EIF3K: variants seen among roughly 807,000 people sequenced by gnomAD.
EIF3K encodes the protein eIF-3 p28.
EIF3K carries 27 observed loss-of-function variants against 34.2 expected under a neutral mutation model. That is an observed-to-expected ratio of 0.79 (90% confidence interval 0.58 to 1.09). The LOEUF (loss-of-function observed/expected upper bound fraction) is 1.09. Ranked by LOEUF, EIF3K falls within the 50% of genes least tolerant of loss-of-function variation. EIF3K has a pLI of 0.00. For synonymous variants in EIF3K, 105 were observed against 105.7 expected, an observed-to-expected ratio of 0.99 and a Z score of 0.04; for missense variants, 232 against 275.4, an observed-to-expected ratio of 0.84 and a Z score of 1.11.
At chr19:38,629,175 C>T (rs1976008404) in intron 4 of EIF3K, among the ~76,000 whole-genome samples, 1 of 152,158 alleles carries the variant, frequency 6.6e-6, no homozygotes, top group South Asian at 2.1e-4. Context: ...TTTACTAGTT[C>T]TACAACTGTT....
intron 2 of EIF3K, among the ~76,000 whole-genome samples, chr19:38,622,829 A>G (rs1975871419): frequency 6.6e-6 from 1 of 152,262 alleles, no homozygotes; most frequent in Non-Finnish European, 1.5e-5. Flanking sequence ...GAGAAAAAGA[A>G]TTCAGCGATA....
chr19:38,626,714 C>G (rs916282054), intron 4 of EIF3K, among the ~76,000 whole-genome samples: 5 of 152,304 alleles, frequency 3.3e-5, no homozygotes, highest in Middle Eastern at 6.8e-3. Context: ...ACCTGGCCCC[C>G]CACTTCTGCA....
chr19:38,625,591 C>A (rs915343409), intron 3 of EIF3K, among the ~76,000 whole-genome samples: 1 of 151,258 alleles, frequency 6.6e-6, no homozygotes, highest in Non-Finnish European at 1.5e-5. Context: ...CTCACTACAA[C>A]CTCCTCCTCC....
At chr19:38,633,273 C>T (rs892127984) in intron 6 of EIF3K, among the ~76,000 whole-genome samples, 5 of 152,130 alleles carry the variant, frequency 3.3e-5, no homozygotes, top group African/African-American at 9.6e-5. Context: ...TGAGAAGGAG[C>T]CACCGGAGGG....
At chr19:38,633,680 A>T (rs1257505587) in intron 6 of EIF3K, among the ~76,000 whole-genome samples, 1 of 150,382 alleles carries the variant, frequency 6.6e-6, no homozygotes, top group East Asian at 2.0e-4. Context: ...ATAAGATCGA[A>T]ACTCCATCTA....
intron 4 of EIF3K, among the ~76,000 whole-genome samples, chr19:38,626,909 T>G (rs1026291369): frequency 6.6e-6 from 1 of 152,182 alleles, no homozygotes; most frequent in African/African-American, 2.4e-5. Context: ...CGGGTTCAAG[T>G]GATTCTCCTG....
intron 4 of EIF3K, among the ~76,000 whole-genome samples, chr19:38,629,461 A>G (rs1314844234): frequency 6.6e-6 from 1 of 152,086 alleles, no homozygotes; most frequent in African/African-American, 2.4e-5. Context: ...ACGCCTGGCT[A>G]ATTTTTCTAT....
chr19:38,635,755 A>G (rs1976175906), intron 7 of EIF3K: 1 of 152,496 alleles, frequency 6.6e-6, no homozygotes, highest in Non-Finnish European at 1.5e-5. Flanking sequence ...CATCGTCTAC[A>G]CACATGTAAC....
At chr19:38,619,863 G>A (rs576784426) in intron 1 of EIF3K, among the ~76,000 whole-genome samples, 1 of 152,332 alleles carries the variant, frequency 6.6e-6, no homozygotes, top group Non-Finnish European at 1.5e-5. Flanking sequence ...CCATAAGGGA[G>A]ACAAACCTGA....
intron 1 of EIF3K, 121 bp from the exon 2 acceptor site, chr19:38,620,216 G>T: frequency 1.4e-6 from 1 of 737,148 alleles, no homozygotes; most frequent in Non-Finnish European, 2.4e-6. Flanking sequence ...AGAGCAAGTG[G>T]CCAGTGCCAG....
intron 4 of EIF3K, among the ~76,000 whole-genome samples, chr19:38,629,058 T>C (rs1019134464): frequency 1.3e-5 from 2 of 149,586 alleles, no homozygotes; most frequent in Non-Finnish European, 3.0e-5. Context: ...GACTGCACAC[T>C]TTTTTTTTTA....
chr19:38,624,674 G>C (rs1472518226), intron 3 of EIF3K, among the ~76,000 whole-genome samples: 2 of 151,992 alleles, frequency 1.3e-5, no homozygotes, highest in African/African-American at 4.8e-5. Flanking sequence ...GGAGATGGAG[G>C]TTGCAGTGAG....
At chr19:38,627,305 G>C (rs1156796074) in intron 4 of EIF3K, among the ~76,000 whole-genome samples, 1 of 151,980 alleles carries the variant, frequency 6.6e-6, no homozygotes, top group African/African-American at 2.4e-5. Flanking sequence ...CAGTTTTGAA[G>C]TGTGTGTGTC....
Position 38,620,344 on chromosome 19 carries a change from C to T in EIF3K, c.67C>T (p.Pro23Ser). ...ATCTTGATTCTCCTTTAGGTACAAT[C>T]CTGAGAACCTGGCCACCCTGGAGCG... ...KLLKGIDRYNPENLATLERYV... is the reference protein window; with the variant it reads ...KLLKGIDRYNSENLATLERYV... Residue 23 changes from proline (P) to serine (S), a missense_variant, in exon 2 of 8, where the codon CCT becomes TCT. Coordinates refer to ENST00000248342, the MANE Select transcript of EIF3K (RefSeq NM_013234.4). The T allele has an allele frequency of 6.2e-7, 1 of 1,613,912 alleles. No individual in the cohort carries two copies. Among genetic ancestry groups the T allele is most frequent in the Non-Finnish European group, 8.5e-7 (1 of 1,179,934 alleles).
intron 7 of EIF3K, chr19:38,635,390 G>T (rs1339199254): frequency 5.8e-6 from 3 of 513,060 alleles, no homozygotes; most frequent in East Asian, 2.9e-5. Flanking sequence ...CTCACAGGGG[G>T]TCTCTGCACC....
rs2144757039 is a variant in EIF3K, at chr19:38,619,333, AG to A, written c.59+7del. On this transcript the variant is annotated splice_region_variant and intron_variant, in intron 1 of 7. Transcript: ENST00000248342. ...TTGCTCAAGGGTATCGACAGGTCTG[AG>A]CCCGGTTGGAGGAAGCGCTCTGGCC... The A allele has an allele frequency of 2.5e-6, 4 of 1,613,806 alleles. No homozygotes were observed. The South Asian group carries it at 3.3e-5, about 13-fold the overall frequency.
intron 4 of EIF3K, among the ~76,000 whole-genome samples, chr19:38,627,589 A>G (rs1975975163): frequency 6.6e-6 from 1 of 151,650 alleles, no homozygotes; most frequent in African/African-American, 2.4e-5. Context: ...ACTTGAACCC[A>G]GTGGGTTCAA....
chr19:38,634,914 A>G (rs1285374709), intron 6 of EIF3K, 79 bp from the exon 7 acceptor site: 4 of 1,594,238 alleles, frequency 2.5e-6, no homozygotes, highest in Admixed American at 1.7e-5. Flanking sequence ...TTCCTGAGCC[A>G]TGACTCTGTT....
intron 6 of EIF3K, among the ~76,000 whole-genome samples, chr19:38,634,090 C>CTTTT (rs757394196): frequency 1.0e-4 from 9 of 86,038 alleles, no homozygotes; most frequent in Non-Finnish European, 1.5e-4. Context: ...TAAAAGCTAA[C>CTTTT]TTTTTTTTTT....
Sources: gnomAD v4.1 joint callset for allele counts (sites outside exome capture counted in the v4.1 genomes callset) on GRCh38, gnomAD v4.1.1 for gene constraint, MANE v1.5 for transcripts, NCBI Gene and HGNC (gene_info 2026-07-23, HGNC 2026-07-21) for gene names.